Variants in SMCO4 observed in about 807,000 individuals in gnomAD.
SMCO4 encodes single-pass membrane protein with coiled-coil domains 4, also known as single-pass membrane and coiled-coil domain-containing protein 4.
Under a neutral mutation model 3.6 loss-of-function variants are expected in SMCO4, and 4 were observed. That is an observed-to-expected ratio of 1.11 (90% CI 0.54 to 2.53). SMCO4 has a LOEUF of 2.53. Ranked by LOEUF, SMCO4 falls within the 30% of genes most tolerant of loss-of-function variation. The probability of loss-of-function intolerance (pLI) is 0.02; values close to 1 mark genes in which losing one functional copy is unlikely to be tolerated. For missense variants in SMCO4, 70 were observed against 80.8 expected (o/e 0.87, Z 0.51); for synonymous variants, 36 against 35.3 (o/e 1.02, Z -0.07).
intron 1 of SMCO4, among the ~76,000 whole-genome samples, chr11:93,541,557 CT>C (rs1240265448): frequency 1.3e-5 from 2 of 152,130 alleles, no homozygotes; most frequent in Non-Finnish European, 2.9e-5. Context: ...CAACTCCAAG[CT>C]TGAGCGTCCA....
At chr11:93,527,936 C>T (rs1949125359) in intron 1 of SMCO4, among the ~76,000 whole-genome samples, 1 of 152,076 alleles carries the variant, frequency 6.6e-6, no homozygotes, top group South Asian at 2.1e-4. Flanking sequence ...TCACCACACC[C>T]AGTATATTTT....
intron 1 of SMCO4, among the ~76,000 whole-genome samples, chr11:93,515,422 A>G (rs1948999928): frequency 6.6e-6 from 1 of 152,194 alleles, no homozygotes; most frequent in South Asian, 2.1e-4. Context: ...ACTGTGAGGT[A>G]ATTACTTGTA....
chr11:93,508,181 T>C (rs577542940), intron 1 of SMCO4, among the ~76,000 whole-genome samples: 61 of 152,178 alleles, frequency 4.0e-4, no homozygotes, highest in East Asian at 1.7e-3. Context: ...CTGAAACCAA[T>C]TGTGGAGAAC....
In SMCO4 at chr11:93,478,931, T is replaced by C; in HGVS notation, c.*79A>G. ...GCTCAGCAACATGAACATCTCTGAA[T>C]ATGAAAGCCATTTTTTGTTTGCGTC... On this transcript the variant is annotated 3_prime_UTR_variant, in exon 3 of 3. Transcript: ENST00000298966. 2 of 1,506,888 alleles carry C rather than the reference T, an allele frequency of 1.3e-6. No individual in the cohort carries two copies. The highest frequency in any genetic ancestry group is 4.7e-5 in the East Asian group (2 of 42,256). The allele number at this position is 1,506,888 out of a possible 1,614,324, so 93.3% of individuals were successfully genotyped here.
At chr11:93,509,844 GGA>G (rs1948942290) in intron 1 of SMCO4, among the ~76,000 whole-genome samples, 4 of 152,028 alleles carry the variant, frequency 2.6e-5, no homozygotes, top group Non-Finnish European at 4.4e-5. Flanking sequence ...GCAGAGTGAG[GGA>G]TAAAAGGATA....
intron 1 of SMCO4, among the ~76,000 whole-genome samples, chr11:93,528,269 C>T (rs1158589164): frequency 6.6e-6 from 1 of 152,148 alleles, no homozygotes; most frequent in South Asian, 2.1e-4. Context: ...TTCTGCCTTA[C>T]TTATAAATAC....
At chr11:93,501,352 G>C (rs1409903410) in intron 1 of SMCO4, among the ~76,000 whole-genome samples, 1 of 152,200 alleles carries the variant, frequency 6.6e-6, no homozygotes, top group Non-Finnish European at 1.5e-5. Context: ...TCACTGGAAG[G>C]CTTAAAACAG....
chr11:93,503,750 T>C (rs1181311057), intron 1 of SMCO4, among the ~76,000 whole-genome samples: 3 of 152,232 alleles, frequency 2.0e-5, no homozygotes, highest in African/African-American at 7.2e-5. Context: ...TGGAACAGAT[T>C]CTCCCCTAGA....
At chr11:93,493,140 T>C (rs1948737617) in intron 2 of SMCO4, among the ~76,000 whole-genome samples, 1 of 152,198 alleles carries the variant, frequency 6.6e-6, no homozygotes, top group African/African-American at 2.4e-5. Flanking sequence ...ATGAGAATGG[T>C]TTCGGCAATG....
intron 1 of SMCO4, among the ~76,000 whole-genome samples, chr11:93,522,702 G>A (rs920858775): frequency 6.6e-6 from 1 of 152,234 alleles, no homozygotes; most frequent in African/African-American, 2.4e-5. Flanking sequence ...TATAACATAA[G>A]TCTGGGAGTC....
intron 2 of SMCO4, among the ~76,000 whole-genome samples, chr11:93,490,814 C>T (rs1948705673): frequency 6.6e-6 from 1 of 152,178 alleles, no homozygotes; most frequent in African/African-American, 2.4e-5. Context: ...GACTGAACTG[C>T]CTTTGGGGCA....
intron 2 of SMCO4, among the ~76,000 whole-genome samples, chr11:93,488,921 G>A (rs13343173): frequency 0.2 from 30,857 of 152,060 alleles, 3,382 homozygotes; most frequent in East Asian, 0.4. Context: ...ATGGTGGCTT[G>A]GAAGGCAAAT....
intron 1 of SMCO4, among the ~76,000 whole-genome samples, chr11:93,522,242 G>A (rs1180257280): frequency 6.6e-6 from 1 of 152,184 alleles, no homozygotes; most frequent in African/African-American, 2.4e-5. Context: ...TATAAAAAGT[G>A]GACTCCTGCA....
At chr11:93,524,988 C>T (rs532992390) in intron 1 of SMCO4, among the ~76,000 whole-genome samples, 1 of 152,310 alleles carries the variant, frequency 6.6e-6, no homozygotes, top group Non-Finnish European at 1.5e-5. Flanking sequence ...CTGGGCTGGG[C>T]GGCCCACATC....
chr11:93,513,058 G>C (rs934147029), intron 1 of SMCO4, among the ~76,000 whole-genome samples: 3 of 152,168 alleles, frequency 2.0e-5, no homozygotes, highest in South Asian at 4.1e-4. Context: ...ACTATCCTAA[G>C]AGCATGGGAC....
the SMCO4 span, among the ~76,000 whole-genome samples, chr11:93,549,541 T>C: frequency 6.6e-6 from 1 of 152,096 alleles, no homozygotes; most frequent in African/African-American, 2.4e-5. Flanking sequence ...TTCAACCTCC[T>C]GGGCTCAAAC....
chr11:93,513,707 A>G (rs1015255593), intron 1 of SMCO4, among the ~76,000 whole-genome samples: 1 of 152,214 alleles, frequency 6.6e-6, no homozygotes, highest in South Asian at 2.1e-4. Flanking sequence ...ATTTGGGTGG[A>G]GGTGACAAAA....
rs1341659556 is a variant in SMCO4, at chr11:93,478,963, C to T, written c.*47G>A. 1.3e-6 allele frequency: 2 copies of T among 1,565,804 alleles called. No individual in the cohort carries two copies. The highest frequency in any genetic ancestry group is 1.7e-6 in the Non-Finnish European group (2 of 1,155,970). On this transcript the variant is annotated 3_prime_UTR_variant, in exon 3 of 3. Coordinates refer to ENST00000298966, the MANE Select transcript of SMCO4 (RefSeq NM_020179.3). ...GCCATTTTTTGTTTGCGTCCCCCTCCCGCGCCTCCTCTCCCTGCCGATGGG... is the reference window on the plus strand; with the variant it reads ...GCCATTTTTTGTTTGCGTCCCCCTCTCGCGCCTCCTCTCCCTGCCGATGGG...
intron 1 of SMCO4, among the ~76,000 whole-genome samples, chr11:93,501,370 A>G (rs1724764460): frequency 6.6e-6 from 1 of 152,238 alleles, no homozygotes; most frequent in African/African-American, 2.4e-5. Context: ...CAGGAAATGT[A>G]TTAATTCTGA....
Sources: gnomAD v4.1 joint callset for allele counts (sites outside exome capture counted in the v4.1 genomes callset) on GRCh38, gnomAD v4.1.1 for gene constraint, MANE v1.5 for transcripts, NCBI Gene and HGNC (gene_info 2026-07-23, HGNC 2026-07-21) for gene names.